Variants in GRIA3 observed in about 807,000 individuals in gnomAD.
GRIA3 encodes glutamate ionotropic receptor AMPA type subunit 3, also known as glutamate receptor 3.
A neutral mutation model predicts 63.0 loss-of-function variants in GRIA3; 3 were observed. That is an observed-to-expected ratio of 0.05 (90% CI 0.02 to 0.12). The LOEUF is 0.12. Among genes scored for constraint, GRIA3 ranks in the 10% least tolerant of loss-of-function variants. The pLI is 1.00. For missense variants in GRIA3, 347 were observed against 700.9 expected, an observed-to-expected ratio of 0.50 and a Z score of 5.70; for synonymous variants, 274 against 257.9, an observed-to-expected ratio of 1.06 and a Z score of -0.60.
intron 10 of GRIA3, among the ~76,000 whole-genome samples, chrX:123,406,091 G>A (rs192687547): frequency 4.4e-5 from 5 of 112,454 alleles, no homozygotes; most frequent in Non-Finnish European, 9.4e-5. Flanking sequence ...GGTTCACTTA[G>A]TATTAAATGG....
At chrX:123,192,767 A>G (rs1480143651) in intron 2 of GRIA3, among the ~76,000 whole-genome samples, 2 of 111,642 alleles carry the variant, frequency 1.8e-5, no homozygotes, top group Admixed American at 1.9e-4. Context: ...ATGATCCCTC[A>G]ACCCTATGAG....
At chrX:123,306,785 C>T (rs2044757564) in intron 3 of GRIA3, among the ~76,000 whole-genome samples, 2 of 111,994 alleles carry the variant, frequency 1.8e-5, no homozygotes, top group African/African-American at 6.5e-5. Context: ...TTGTACCCAT[C>T]CAGCTGTGCC....
intron 5 of GRIA3, among the ~76,000 whole-genome samples, chrX:123,360,781 G>A (rs1258299778): frequency 3.0e-5 from 3 of 99,618 alleles, no homozygotes; most frequent in Non-Finnish European, 4.0e-5. Context: ...TATCTTAACA[G>A]GCATCAATTA....
chrX:123,202,759 A>C, intron 2 of GRIA3: 1 of 1,166,514 alleles, frequency 8.6e-7, no homozygotes. Context: ...GGGGCCCGCC[A>C]AAACTGGGCC....
chrX:123,341,128 C>T (rs2147342074), intron 4 of GRIA3, among the ~76,000 whole-genome samples: 2 of 111,915 alleles, frequency 1.8e-5, no homozygotes, highest in South Asian at 7.5e-4. Flanking sequence ...GTTGTTATTA[C>T]TGTCAGTAGG....
intron 10 of GRIA3, among the ~76,000 whole-genome samples, chrX:123,411,419 T>G (rs1214777821): frequency 8.9e-6 from 1 of 111,974 alleles, no homozygotes; most frequent in Non-Finnish European, 1.9e-5. Context: ...GATAATCAGA[T>G]GAAAATTCTT....
rs1463579712 is a variant in GRIA3, at chrX:123,294,550, T to C, written c.509-31476T>C. Among the ~76,000 whole-genome samples the C allele has an allele frequency of 3.6e-5, 4 of 111,223 alleles. No homozygotes were observed. In the Admixed American group the frequency reaches 3.8e-4, roughly 11 times the overall value. On this transcript the variant is annotated intron_variant, in intron 3 of 15. Transcript: ENST00000620443. ...ATGGTATGTAGCCTTGACTCTCCAG[T>C]GAGGAGTCACTTAGCACTAATAGAA...
intron 2 of GRIA3, among the ~76,000 whole-genome samples, chrX:123,242,489 C>A (rs1384502608): frequency 9.0e-6 from 1 of 111,678 alleles, no homozygotes; most frequent in Admixed American, 9.5e-5. Context: ...AATTAAGAGT[C>A]CTGCTAAACC....
intron 3 of GRIA3, among the ~76,000 whole-genome samples, chrX:123,265,727 G>T (rs767075979): frequency 4.5e-5 from 5 of 112,120 alleles, no homozygotes; most frequent in Admixed American, 2.8e-4. Context: ...CTCTTAAGGA[G>T]AGTTATGGAG....
chrX:123,255,575 A>G (rs1376198300), intron 3 of GRIA3, among the ~76,000 whole-genome samples: 2 of 105,780 alleles, frequency 1.9e-5, no homozygotes, highest in African/African-American at 6.9e-5. Flanking sequence ...AGAAGACACA[A>G]TTAATGAATT....
At chrX:123,462,211 A>G (rs192608784) in intron 12 of GRIA3, among the ~76,000 whole-genome samples, 254 of 111,656 alleles carry the variant, frequency 2.3e-3, no homozygotes, top group African/African-American at 8.0e-3. Flanking sequence ...CTCATAGTCT[A>G]TTCTCCATAT....
At chrX:123,361,858 T>TC (rs1172760365) in intron 5 of GRIA3, among the ~76,000 whole-genome samples, 1 of 110,664 alleles carries the variant, frequency 9.0e-6, no homozygotes, top group Non-Finnish European at 1.9e-5. Context: ...AACCAGTTTT[T>TC]CCCCCCAAGA....
At chrX:123,323,603 C>G (rs985574391) in intron 3 of GRIA3, among the ~76,000 whole-genome samples, 2 of 111,927 alleles carry the variant, frequency 1.8e-5, no homozygotes, top group African/African-American at 6.5e-5. Context: ...CAGGTGTAGA[C>G]AGATGTGCCT....
chrX:123,447,505 T>A (rs1448705103), intron 12 of GRIA3, among the ~76,000 whole-genome samples: 1 of 111,965 alleles, frequency 8.9e-6, no homozygotes, highest in Non-Finnish European at 1.9e-5. Flanking sequence ...GTTTTCAGAC[T>A]TTGGTTTTGT....
At chrX:123,355,790 G>C (rs139812289) in intron 5 of GRIA3, among the ~76,000 whole-genome samples, 1,373 of 111,962 alleles carry the variant, frequency 0.012, 24 homozygotes, top group African/African-American at 0.042. Context: ...AGAAACAAAG[G>C]TGAAAGATTA....
At chrX:123,358,999 G>A (rs1447079620) in intron 5 of GRIA3, among the ~76,000 whole-genome samples, 3 of 111,501 alleles carry the variant, frequency 2.7e-5, no homozygotes, top group Non-Finnish European at 5.6e-5. Flanking sequence ...GAGGCTAGGA[G>A]GTAGGAGTCA....
At chrX:123,242,614 G>A (rs949420377) in intron 2 of GRIA3, among the ~76,000 whole-genome samples, 3 of 112,642 alleles carry the variant, frequency 2.7e-5, no homozygotes, top group Non-Finnish European at 5.6e-5. Flanking sequence ...GGATTGATTT[G>A]TTATGTGGAT....
chrX:123,341,067 T>A (rs1047305154), intron 4 of GRIA3, among the ~76,000 whole-genome samples: 3 of 112,319 alleles, frequency 2.7e-5, no homozygotes, highest in Non-Finnish European at 5.6e-5. Context: ...CAGACTCTGA[T>A]TTAAAAGCAA....
At chrX:123,429,885 T>C (rs1011558757) in intron 12 of GRIA3, among the ~76,000 whole-genome samples, 3 of 112,240 alleles carry the variant, frequency 2.7e-5, no homozygotes, top group Non-Finnish European at 5.6e-5. Context: ...TAAATGGTAA[T>C]CAATAAACGG....
Sources: gnomAD v4.1 joint callset for allele counts (sites outside exome capture counted in the v4.1 genomes callset) on GRCh38, gnomAD v4.1.1 for gene constraint, MANE v1.5 for transcripts, NCBI Gene and HGNC (gene_info 2026-07-23, HGNC 2026-07-21) for gene names.